CIP2A: variants seen among roughly 807,000 people sequenced by gnomAD.
The protein encoded by CIP2A is cellular inhibitor of PP2A, also known as protein CIP2A.
In CIP2A, 103 loss-of-function variants were observed where a neutral mutation model predicts 110.9. The observed-to-expected ratio is 0.93, with a 90% CI of 0.79 to 1.09. The LOEUF (loss-of-function observed/expected upper bound fraction) is 1.09, where lower values mean the gene tolerates loss of function less well. CIP2A is among the 50% of genes least tolerant of loss of function. CIP2A has a pLI of 0.00. For missense variants in CIP2A, 1,088 were observed against 1,038.4 expected (o/e 1.05, Z -0.66); for synonymous variants, 381 against 361.6 (o/e 1.05, Z -0.61).
chr3:108,587,407 G>A (rs1185790238), intron 1 of CIP2A, among the ~76,000 whole-genome samples: 2 of 152,162 alleles, frequency 1.3e-5, no homozygotes, highest in Non-Finnish European at 2.9e-5. Flanking sequence ...GAGTGGAAAA[G>A]GCCAGACACA....
At chr3:108,587,393 T>TA (rs202148582) in intron 1 of CIP2A, among the ~76,000 whole-genome samples, 2,121 of 151,872 alleles carry the variant, frequency 0.014, 53 homozygotes, top group African/African-American at 0.049. Flanking sequence ...TCACAGATTT[T>TA]ATTGAGTGGA....
Position 108,585,178 on chromosome 3 carries a change from G to A in CIP2A, c.137C>T (p.Thr46Ile), listed in dbSNP as rs201946861. Residue 46 changes from threonine to isoleucine, a missense_variant, in exon 2 of 21, where the codon ACA (threonine) becomes ATA (isoleucine). Coordinates refer to ENST00000295746, the MANE Select transcript of CIP2A (RefSeq NM_020890.3). ...ISGQKLTRLF[T>I]SNQILTSECL... is the part of the protein sequence containing the mutation. Reference sequence around the variant, plus strand: ...TTCACTTGTTAATATCTGATTTGATGTAAATAGTCGTGTGAGTTTCTGTCC... The same window carrying A: ...TTCACTTGTTAATATCTGATTTGATATAAATAGTCGTGTGAGTTTCTGTCC... 5.5e-5 allele frequency: 89 copies of A among 1,611,932 alleles called. 2 individuals carry two copies. The South Asian group carries it at 6.5e-4, about 12-fold the overall frequency.
chr3:108,558,195 AT>A (rs1937878225), intron 16 of CIP2A, among the ~76,000 whole-genome samples: 1 of 152,144 alleles, frequency 6.6e-6, no homozygotes, highest in Non-Finnish European at 1.5e-5. Flanking sequence ...CTTTCTTGTA[AT>A]TTGTGACAAA....
chr3:108,582,169 CATT>C lies in CIP2A; in HGVS notation c.388_390del (p.Asn130del), dbSNP rs1938904657. The C allele has an allele frequency of 6.7e-7, 1 of 1,482,300 alleles. No individual in the cohort carries two copies. The highest frequency in any genetic ancestry group is 1.4e-5 in the African/African-American group (1 of 71,562). The allele number at this position is 1,482,300 out of a possible 1,614,324, so 91.8% of individuals were successfully genotyped here. On this transcript the variant is annotated inframe_deletion, in exon 4 of 21. Transcript: ENST00000295746. ...TTGGCACCAGAATAGAAAATTTTGACATTATATGTTAACTTCTGTAGAAGTTGA... is the reference window on the plus strand; with the variant it reads ...TTGGCACCAGAATAGAAAATTTTGACATATGTTAACTTCTGTAGAAGTTGA...
At chr3:108,572,358 T>C (rs1426489769) in intron 8 of CIP2A, among the ~76,000 whole-genome samples, 2 of 152,084 alleles carry the variant, frequency 1.3e-5, no homozygotes, top group African/African-American at 4.8e-5. Flanking sequence ...TGTCTTATAC[T>C]GATTTTTGCA....
Position 108,560,843 on chromosome 3 carries a change from T to C in CIP2A, c.1635-2A>G. On this transcript the variant is annotated splice_acceptor_variant, in intron 13 of 20. Coordinates refer to ENST00000295746, the MANE Select transcript of CIP2A (RefSeq NM_020890.3). LOFTEE classifies it high-confidence loss of function. ...TTTGCTGCTATACTTTCTCCAAGTC[T>C]GAATGGGAGTCAAAGAAAGGAAAAA... 6.5e-7 allele frequency: 1 copy of C among 1,529,138 alleles called. No homozygotes were observed. The highest frequency in any genetic ancestry group is 1.4e-5 in the African/African-American group (1 of 71,130). 94.7% of individuals were successfully genotyped at this position (1,529,138 alleles called of 1,614,324 possible). A position where few individuals can be genotyped will look rare whatever the true frequency, so the allele number is the denominator to read the frequency against.
In CIP2A at chr3:108,565,449, AG is replaced by A; in HGVS notation, c.1420del (p.Ala475LeufsTer4). The part of the protein sequence containing the change: ...TKVADSELCK[L>X]AADVILKTLD... ...AGTTTTCAAAATTACATCAGCAGCA[AG>A]TTTGCTTTAAAGATAAATCACATTT... On this transcript the variant is annotated frameshift_variant, in exon 12 of 21. Transcript: ENST00000295746. LOFTEE classifies it high-confidence loss of function. The A allele has an allele frequency of 6.4e-7, 1 of 1,570,500 alleles. No individual in the cohort carries two copies. The highest frequency in any genetic ancestry group is 8.7e-7 in the Non-Finnish European group (1 of 1,149,866).
intron 16 of CIP2A, among the ~76,000 whole-genome samples, chr3:108,558,412 G>T (rs556413630): frequency 6.6e-6 from 1 of 152,086 alleles, no homozygotes; most frequent in East Asian, 1.9e-4. Flanking sequence ...GATTCCATTT[G>T]TATCTGCTGG....
At chr3:108,588,712 G>T (rs1939182822) in intron 1 of CIP2A, among the ~76,000 whole-genome samples, 1 of 152,126 alleles carries the variant, frequency 6.6e-6, no homozygotes, top group Non-Finnish European at 1.5e-5. Context: ...TAGAAAAAAA[G>T]GCAATTCAGC....
chr3:108,560,741 T>C lies in CIP2A; in HGVS notation c.1735A>G (p.Thr579Ala), dbSNP rs1937978423. ...TGAGGAGTTAAACACTTTATTGATG[T>C]TGGAAAACTGTGATTTGATGATTGC... ...PWQSSNHSFP[T>A]SIKCLTPHLK... Residue 579 changes from threonine (T) to alanine (A), a missense_variant, in exon 14 of 21, where the codon ACA (threonine) becomes GCA (alanine). Transcript: ENST00000295746. The C allele has an allele frequency of 6.2e-7, 1 of 1,612,550 alleles. No homozygotes were observed. Among genetic ancestry groups the C allele is most frequent in the Admixed American group, 1.7e-5 (1 of 59,968 alleles).
chr3:108,576,433 T>G, intron 7 of CIP2A, 87 bp from the exon 8 acceptor site: 3 of 687,562 alleles, frequency 4.4e-6, no homozygotes, highest in Non-Finnish European at 7.0e-6. Context: ...AATATAAAAT[T>G]TATGTGTATT....
chr3:108,554,134 G>A (rs1475306111), intron 18 of CIP2A, among the ~76,000 whole-genome samples: 4 of 151,686 alleles, frequency 2.6e-5, no homozygotes, highest in Non-Finnish European at 4.4e-5. Flanking sequence ...GACCTCATGC[G>A]CTCCACCCAC....
chr3:108,559,737 T>C lies in CIP2A; in HGVS notation c.2013+20A>G, dbSNP rs1937933405. ...TATTAATTTTTCTACAAATCAGATG[T>C]GTCTTTATATTCTACACACCTCTGT... On this transcript the variant is annotated intron_variant, in intron 16 of 20. Transcript: ENST00000295746. The C allele has an allele frequency of 7.3e-7, 1 of 1,377,144 alleles. No individual in the cohort carries two copies. The highest frequency in any genetic ancestry group is 1.9e-4 in the Middle Eastern group (1 of 5,344). 85.3% of individuals were successfully genotyped at this position (1,377,144 alleles called of 1,614,324 possible).
Position 108,589,226 on chromosome 3 carries a change from G to A in CIP2A, c.102+48C>T, listed in dbSNP as rs369304454. The A allele has an allele frequency of 8.6e-5, 121 of 1,411,696 alleles. 1 individual carries two copies. Among genetic ancestry groups the A allele is most frequent in the Non-Finnish European group, 1.1e-4 (107 of 998,548 alleles). 87.4% of individuals were successfully genotyped at this position (1,411,696 alleles called of 1,614,324 possible). A position where few individuals can be genotyped will look rare whatever the true frequency, so the allele number is the denominator to read the frequency against. On this transcript the variant is annotated intron_variant, in intron 1 of 20. Coordinates refer to ENST00000295746, the MANE Select transcript of CIP2A (RefSeq NM_020890.3). ...ACTCCTCGGCCTCACTGTGAAATAA[G>A]AATTGCTAGGGGAAGCCCCATCTGT...
chr3:108,586,424 G>C (rs1031472261), intron 1 of CIP2A, among the ~76,000 whole-genome samples: 9 of 152,098 alleles, frequency 5.9e-5, no homozygotes, highest in African/African-American at 2.2e-4. Flanking sequence ...TTCTCTATAG[G>C]ATTGGTCCTG....
intron 19 of CIP2A, among the ~76,000 whole-genome samples, chr3:108,553,392 T>TGCTGGGATTACAGGAGTGA (rs1490322512): frequency 1.3e-5 from 2 of 151,992 alleles, no homozygotes; most frequent in Non-Finnish European, 2.9e-5. Flanking sequence ...ACTCCCAAAG[T>TGCTGGGATTACAGGAGTGA]GCTGGGATTA....
At chr3:108,561,406 G>A (rs1386458174) in intron 13 of CIP2A, among the ~76,000 whole-genome samples, 1 of 152,144 alleles carries the variant, frequency 6.6e-6, no homozygotes, top group Admixed American at 6.6e-5. Flanking sequence ...ATTATAGGCT[G>A]GGCATGGTGG....
chr3:108,583,163 ATG>A, intron 2 of CIP2A, 80 bp from the exon 3 acceptor site: 1 of 668,066 alleles, frequency 1.5e-6, no homozygotes, highest in Non-Finnish European at 2.3e-6. Context: ...TTTATTTCAT[ATG>A]AATTTATTAT....
chr3:108,589,335 A>C lies in CIP2A; in HGVS notation c.41T>G (p.Val14Gly), dbSNP rs1156687786. 3.7e-5 allele frequency: 59 copies of C among 1,613,892 alleles called. No individual in the cohort carries two copies. Among genetic ancestry groups the C allele is most frequent in the Non-Finnish European group, 4.8e-5 (57 of 1,179,960 alleles). ...TGACTTCACGGCTTTGTACTGACTG[A>C]CAGTCAGGAGCAAGGACTTCAAGCA... ...TACLKSLLLT[V>G]SQYKAVKSEA... is the part of the protein sequence containing the mutation. The change falls in exon 1 of 21, where the codon GTC becomes GGC. Residue 14 changes from valine to glycine, a missense_variant. Coordinates refer to ENST00000295746, the MANE Select transcript of CIP2A (RefSeq NM_020890.3).
Sources: allele counts gnomAD v4.1 joint callset (sites outside exome capture counted in the v4.1 genomes callset), GRCh38; gene constraint gnomAD v4.1.1; transcripts MANE v1.5; gene names NCBI Gene and HGNC (gene_info 2026-07-23, HGNC 2026-07-21).